TSG101: variants seen among roughly 807,000 people sequenced by gnomAD.
The protein encoded by TSG101 is tumor susceptibility gene 101 protein.
In TSG101, 19 loss-of-function variants were observed where a neutral mutation model predicts 48.5. That is an observed-to-expected ratio of 0.39 (90% CI 0.27 to 0.58). The LOEUF (loss-of-function observed/expected upper bound fraction) is 0.58. Ranked by LOEUF, TSG101 falls within the 20% of genes least tolerant of loss-of-function variation. The pLI, the probability that TSG101 is intolerant of heterozygous loss-of-function variation, is 0.55. For synonymous variants in TSG101, 174 were observed against 169.4 expected, an observed-to-expected ratio of 1.03 and a Z score of -0.21; for missense variants, 365 against 484.4, an observed-to-expected ratio of 0.75 and a Z score of 2.31.
intron 1 of TSG101, among the ~76,000 whole-genome samples, chr11:18,521,663 CCCCTT>C (rs1257014486): frequency 6.9e-6 from 1 of 144,044 alleles, no homozygotes; most frequent in African/African-American, 2.5e-5. Context: ...CTGCACCTGG[CCCCTT>C]CCTTTTTTTT....
intron 7 of TSG101, 46 bp downstream of exon 7, chr11:18,502,440 T>TA: frequency 6.6e-7 from 1 of 1,511,004 alleles, no homozygotes; most frequent in Non-Finnish European, 9.1e-7. Context: ...AACAGGGAGT[T>TA]AGACTTTGCT....
intron 1 of TSG101, among the ~76,000 whole-genome samples, chr11:18,521,831 A>G (rs1850283578): frequency 2.0e-5 from 3 of 151,492 alleles, no homozygotes; most frequent in Admixed American, 2.0e-4. Flanking sequence ...TATGCGCCAC[A>G]GTGTTTGGCT....
intron 3 of TSG101, 32 bp downstream of exon 3, chr11:18,516,067 C>T (rs757988983): frequency 1.1e-5 from 17 of 1,585,480 alleles, no homozygotes; most frequent in Non-Finnish European, 1.3e-5. Context: ...ATTCAAAATG[C>T]ATCTATGCTG....
At chr11:18,511,527 G>T (rs1850081832) in intron 4 of TSG101, 1 of 152,114 alleles carries the variant, frequency 6.6e-6, no homozygotes, top group South Asian at 2.1e-4. Flanking sequence ...AGATACTGTG[G>T]CTGGTGTGTG....
rs114748773 is a variant in TSG101 at position 18,500,961 on chromosome 11, G to A, written c.640+1525C>T. On this transcript the variant is annotated intron_variant, in intron 7 of 9. Transcript: ENST00000251968. ...TGGGATTACAGGGGTGTACCACCAC[G>A]CCCAGATTTTTGCATTTTTAGTTTT... is the stretch of plus-strand genomic sequence containing the variant. Among the ~76,000 whole-genome samples, 200 of 152,064 alleles carry A rather than the reference G, an allele frequency of 1.3e-3. 2 individuals are homozygous for A. The highest frequency in any genetic ancestry group is 4.6e-3 in the African/African-American group (190 of 41,498).
At chr11:18,520,056 A>T (rs756914586) in intron 1 of TSG101, among the ~76,000 whole-genome samples, 3 of 152,200 alleles carry the variant, frequency 2.0e-5, no homozygotes, top group Non-Finnish European at 4.4e-5. Context: ...CATACCCTTT[A>T]GCAATCACCC....
At chr11:18,526,475 C>A (rs1850375719) in intron 1 of TSG101, among the ~76,000 whole-genome samples, 1 of 152,254 alleles carries the variant, frequency 6.6e-6, no homozygotes, top group Admixed American at 6.5e-5. Flanking sequence ...AACTACACTG[C>A]CCCACAGACA....
intron 7 of TSG101, among the ~76,000 whole-genome samples, chr11:18,498,678 A>G (rs868135792): frequency 2.0e-5 from 3 of 152,138 alleles, no homozygotes; most frequent in Admixed American, 6.5e-5. Flanking sequence ...TTCAGGAGAG[A>G]GGTATAGGTC....
At position 18,500,942 on chromosome 11, in the gene TSG101, T is replaced by C. The variant is rs555421966; in HGVS notation, c.640+1544A>G. ...CCTCAGCCTCCCAAGTAGCTGGGAT[T>C]ACAGGGGTGTACCACCACGCCCAGA... is the stretch of plus-strand genomic sequence containing the variant. On this transcript the variant is annotated intron_variant, in intron 7 of 9. Coordinates refer to ENST00000251968, the MANE Select transcript of TSG101 (RefSeq NM_006292.4). Among the ~76,000 whole-genome samples the C allele has an allele frequency of 3.0e-4, 46 of 152,254 alleles. 1 individual carries two copies. The South Asian group carries it at 7.5e-3, about 25-fold the overall frequency.
intron 7 of TSG101, among the ~76,000 whole-genome samples, chr11:18,495,881 ATCACT>A: frequency 6.6e-6 from 1 of 151,126 alleles, no homozygotes; most frequent in Middle Eastern, 3.2e-3. Flanking sequence ...CTGAGATTGC[ATCACT>A]GCACTCCAGC....
At chr11:18,504,765 C>G (rs1849942306) in intron 6 of TSG101, among the ~76,000 whole-genome samples, 1 of 152,178 alleles carries the variant, frequency 6.6e-6, no homozygotes, top group African/African-American at 2.4e-5. Flanking sequence ...CCATAGTGTA[C>G]CTTCAACAAT....
intron 7 of TSG101, 28 bp downstream of exon 7, chr11:18,502,458 T>C (rs960604729): frequency 6.3e-7 from 1 of 1,588,570 alleles, no homozygotes; most frequent in African/African-American, 1.3e-5. Context: ...GCTTATATGG[T>C]GAAACACAAG....
chr11:18,506,667 G>C (rs1466725795), intron 6 of TSG101, among the ~76,000 whole-genome samples, 190 bp downstream of exon 6: 1 of 151,762 alleles, frequency 6.6e-6, no homozygotes, highest in Non-Finnish European at 1.5e-5. Context: ...TCCAGCCTGG[G>C]TGACAGAGCA....
chr11:18,514,634 A>C, intron 4 of TSG101, 44 bp downstream of exon 4: 1 of 1,469,090 alleles, frequency 6.8e-7, no homozygotes, highest in Non-Finnish European at 9.0e-7. Context: ...AGTGAGCAAA[A>C]TATATAAAAC....
chr11:18,517,232 G>C (rs1008681854), intron 2 of TSG101, among the ~76,000 whole-genome samples: 2 of 150,728 alleles, frequency 1.3e-5, no homozygotes, highest in Non-Finnish European at 2.9e-5. Flanking sequence ...GGCTGGACTT[G>C]AACTCCTGGA....
At chr11:18,486,627 G>A (rs1321189626) in intron 7 of TSG101, among the ~76,000 whole-genome samples, 3 of 151,502 alleles carry the variant, frequency 2.0e-5, no homozygotes, top group Non-Finnish European at 4.4e-5. Context: ...AACAGGTGCT[G>A]GAGAGGATGT....
intron 6 of TSG101, 39 bp from the exon 7 acceptor site, chr11:18,502,616 A>G (rs10444251): frequency 5.3e-6 from 8 of 1,502,834 alleles, no homozygotes; most frequent in Non-Finnish European, 7.3e-6. Flanking sequence ...ATTTAAGATG[A>G]CCCAACCTTA....
chr11:18,486,991 C>T (rs1849628883), intron 7 of TSG101, among the ~76,000 whole-genome samples: 1 of 151,444 alleles, frequency 6.6e-6, no homozygotes, highest in Non-Finnish European at 1.5e-5. Flanking sequence ...AGCTGGAAAC[C>T]ATCATTCTCA....
chr11:18,485,544 T>G (rs1297422035), intron 7 of TSG101, among the ~76,000 whole-genome samples: 1 of 152,182 alleles, frequency 6.6e-6, no homozygotes, highest in African/African-American at 2.4e-5. Context: ...TAGAATGTGC[T>G]TTTTTGGAAA....
Sources: gnomAD v4.1 joint callset for allele counts (sites outside exome capture counted in the v4.1 genomes callset) on GRCh38, gnomAD v4.1.1 for gene constraint, MANE v1.5 for transcripts, NCBI Gene and HGNC (gene_info 2026-07-23, HGNC 2026-07-21) for gene names.